The following GRID2 variants were observed in gnomAD, a reference collection of about 807,000 sequenced individuals.
GRID2 encodes glutamate receptor ionotropic, delta-2.
A neutral mutation model predicts 114.8 loss-of-function variants in GRID2; 33 were observed. The ratio of observed to expected loss-of-function variants is 0.29; its 90% confidence interval spans 0.22 to 0.38. The LOEUF is 0.38. Ranked by LOEUF, GRID2 falls within the 10% of genes least tolerant of loss-of-function variation. GRID2 has a pLI of 1.00. For missense variants in GRID2, 1,184 were observed against 1,257.7 expected (o/e 0.94, Z 0.89); for synonymous variants, 505 against 449.9 (o/e 1.12, Z -1.55).
intron 8 of GRID2, among the ~76,000 whole-genome samples, chr4:93,305,828 T>C (rs928379578): frequency 6.6e-6 from 1 of 151,724 alleles, no homozygotes; most frequent in African/African-American, 2.4e-5. Flanking sequence ...CATGAAGTTG[T>C]CTGCCTTGGA....
intron 2 of GRID2, among the ~76,000 whole-genome samples, chr4:92,805,321 G>T (rs1416547699): frequency 1.3e-5 from 2 of 151,654 alleles, no homozygotes; most frequent in South Asian, 2.1e-4. Flanking sequence ...ATTAAATTGG[G>T]ATTTCTTATT....
chr4:92,468,289 T>A (rs549266330), intron 1 of GRID2, among the ~76,000 whole-genome samples: 1 of 152,072 alleles, frequency 6.6e-6, no homozygotes, highest in Non-Finnish European at 1.5e-5. Context: ...ATTTTTCAGA[T>A]AAAATTGAGA....
At chr4:93,203,951 A>G (rs1298575679) in intron 4 of GRID2, 1 of 152,106 alleles carries the variant, frequency 6.6e-6, no homozygotes, top group East Asian at 1.9e-4. Flanking sequence ...ACTCAGTCAC[A>G]TGGCCTTGTA....
At chr4:93,574,555 C>CAG (rs979280038) in intron 13 of GRID2, among the ~76,000 whole-genome samples, 4 of 151,768 alleles carry the variant, frequency 2.6e-5, no homozygotes, top group East Asian at 1.9e-4. Flanking sequence ...TGGCAGCAGG[C>CAG]AGAGAGAGAG....
Position 93,462,505 on chromosome 4 carries a change from C to T in GRID2, c.1858+6531C>T, listed in dbSNP as rs148444208. Among the ~76,000 whole-genome samples the T allele has an allele frequency of 8.3e-3, 1,268 of 152,188 alleles. 54 individuals are homozygous for T. Among genetic ancestry groups the T allele is most frequent in the Admixed American group, 0.061 (934 of 15,280 alleles). On this transcript the variant is annotated intron_variant, in intron 11 of 15. Coordinates refer to ENST00000282020, the MANE Select transcript of GRID2 (RefSeq NM_001510.4). ...ACAAGAGTTAACATAAGAGACAACCCACTGATTTTGAAATCCCAAGACAAT... is the reference window on the plus strand; with the variant it reads ...ACAAGAGTTAACATAAGAGACAACCTACTGATTTTGAAATCCCAAGACAAT...
In GRID2 at chr4:93,238,500, G is replaced by A. The variant is rs781210864; in HGVS notation, c.1245+10G>A. On this transcript the variant is annotated intron_variant, in intron 8 of 15. Coordinates refer to ENST00000282020, the MANE Select transcript of GRID2 (RefSeq NM_001510.4). ...CAGAGGTGTTCGAAAAGTAAGACAA[G>A]ACACACTGATTAATACGCTTTTTCC... The A allele has an allele frequency of 6.2e-7, 1 of 1,606,716 alleles. No homozygotes were observed. The highest frequency in any genetic ancestry group is 8.5e-7 in the Non-Finnish European group (1 of 1,174,556).
intron 2 of GRID2, among the ~76,000 whole-genome samples, chr4:92,777,750 A>T (rs1738880600): frequency 6.6e-6 from 1 of 151,808 alleles, no homozygotes; most frequent in East Asian, 1.9e-4. Context: ...AAAAAAAAAA[A>T]AGCCATGTGA....
intron 13 of GRID2, among the ~76,000 whole-genome samples, chr4:93,608,107 C>T (rs914647334): frequency 3.7e-5 from 3 of 82,156 alleles, no homozygotes; most frequent in South Asian, 4.0e-4. Flanking sequence ...TGTATATATA[C>T]ACACACACAT....
intron 2 of GRID2, among the ~76,000 whole-genome samples, chr4:92,985,301 G>T (rs1754442305): frequency 6.7e-6 from 1 of 149,748 alleles, no homozygotes; most frequent in Non-Finnish European, 1.5e-5. Flanking sequence ...TCAGCTCACT[G>T]CAAGCTCCGC....
At chr4:93,792,014 T>C (rs1734704006) in intron 1 of GRID2, among the ~76,000 whole-genome samples, 1 of 152,212 alleles carries the variant, frequency 6.6e-6, no homozygotes, top group South Asian at 2.1e-4. Flanking sequence ...ATAGATGATT[T>C]ACAGTGTACT....
intron 1 of GRID2, among the ~76,000 whole-genome samples, chr4:92,305,498 G>A (rs1725337739): frequency 6.6e-6 from 1 of 152,160 alleles, no homozygotes. Flanking sequence ...CTGCTCCCGA[G>A]GTCTGCTTAG....
At chr4:93,653,549 C>T (rs10516939) in intron 14 of GRID2, among the ~76,000 whole-genome samples, 16,884 of 152,116 alleles carry the variant, frequency 0.11, 1,010 homozygotes, top group Middle Eastern at 0.14. Flanking sequence ...CATTCACAAA[C>T]CCTCTTAACT....
At chr4:93,248,464 A>G (rs895483009) in intron 8 of GRID2, among the ~76,000 whole-genome samples, 2 of 152,102 alleles carry the variant, frequency 1.3e-5, no homozygotes, top group Admixed American at 1.3e-4. Flanking sequence ...TTACATGACA[A>G]CACTCATGAT....
chr4:93,515,499 G>A (rs751967343), intron 13 of GRID2, 88 bp downstream of exon 13: 1 of 862,946 alleles, frequency 1.2e-6, no homozygotes, highest in Non-Finnish European at 1.8e-6. Context: ...TTTTTGTTTT[G>A]TTTTTTGTTT....
At chr4:93,233,143 T>C (rs1404101418) in intron 7 of GRID2, among the ~76,000 whole-genome samples, 3 of 152,014 alleles carry the variant, frequency 2.0e-5, no homozygotes, top group South Asian at 4.1e-4. Context: ...AGAATGTTTC[T>C]AGGCTTGTAG....
In GRID2 at chr4:93,328,586, T is replaced by C. The variant is rs572826330; in HGVS notation, c.1246-67021T>C. Among the ~76,000 whole-genome samples the C allele has an allele frequency of 1.0e-3, 157 of 152,336 alleles. 3 individuals are homozygous for C. The highest frequency in any genetic ancestry group is 0.01 in the Middle Eastern group (3 of 294). On this transcript the variant is annotated intron_variant, in intron 8 of 15. Coordinates refer to ENST00000282020, the MANE Select transcript of GRID2 (RefSeq NM_001510.4). ...AAGCTATTACATATTTGTTTTCTTT[T>C]GTATTATCTACATTTTCAAATTTAT...
chr4:93,545,883 AACCAGGATTAGCAAC>A (rs1261531934), intron 13 of GRID2, among the ~76,000 whole-genome samples: 1 of 152,218 alleles, frequency 6.6e-6, no homozygotes, highest in Non-Finnish European at 1.5e-5. Context: ...TAGTGACAAA[AACCAGGATTAGCAAC>A]ACAAGGACTT....
intron 1 of GRID2, among the ~76,000 whole-genome samples, chr4:92,555,236 T>C (rs1268716043): frequency 6.6e-6 from 1 of 152,136 alleles, no homozygotes; most frequent in Non-Finnish European, 1.5e-5. Flanking sequence ...TATTAACCCA[T>C]GAGAGTTATC....
At chr4:93,444,775 G>T (rs1721938643) in intron 10 of GRID2, among the ~76,000 whole-genome samples, 1 of 151,900 alleles carries the variant, frequency 6.6e-6, no homozygotes, top group Admixed American at 6.6e-5. Flanking sequence ...GGATAAACAT[G>T]TATTTCTCTA....
Sources: gnomAD v4.1 joint callset for allele counts (sites outside exome capture counted in the v4.1 genomes callset) on GRCh38, gnomAD v4.1.1 for gene constraint, MANE v1.5 for transcripts, NCBI Gene and HGNC (gene_info 2026-07-23, HGNC 2026-07-21) for gene names.